Variants in TRPC5 observed in about 807,000 individuals in gnomAD.
TRPC5 encodes the protein transient receptor potential cation channel subfamily C member 5.
In TRPC5, 9 loss-of-function variants were observed where a neutral mutation model predicts 56.5. The ratio of observed to expected loss-of-function variants is 0.16; its 90% confidence interval spans 0.10 to 0.28. The LOEUF (loss-of-function observed/expected upper bound fraction) is 0.28, where lower values mean the gene tolerates loss of function less well. Ranked by LOEUF, TRPC5 falls within the 10% of genes least tolerant of loss-of-function variation. The pLI is 1.00. For synonymous variants in TRPC5, 282 were observed against 278.5 expected, an observed-to-expected ratio of 1.01 and a Z score of -0.13; for missense variants, 469 against 748.9, an observed-to-expected ratio of 0.63 and a Z score of 4.36.
At chrX:111,831,619 C>G (rs1569526081) in intron 7 of TRPC5, among the ~76,000 whole-genome samples, 1 of 112,061 alleles carries the variant, frequency 8.9e-6, no homozygotes, top group East Asian at 2.8e-4. Flanking sequence ...TATATTTGGA[C>G]TCTCCCCAAG....
At chrX:111,783,453 G>A (rs1419550802) in intron 7 of TRPC5, among the ~76,000 whole-genome samples, 3 of 110,832 alleles carry the variant, frequency 2.7e-5, no homozygotes, top group Non-Finnish European at 5.7e-5. Flanking sequence ...GGTTTTTAAA[G>A]TTTAGTCATT....
chrX:111,963,842 A>C (rs1342059269), intron 1 of TRPC5, among the ~76,000 whole-genome samples: 2 of 111,627 alleles, frequency 1.8e-5, no homozygotes, highest in Non-Finnish European at 3.8e-5. Context: ...ATCATCAAAG[A>C]CCAAAAGAAG....
At chrX:111,882,175 G>A (rs1924255682) in intron 3 of TRPC5, among the ~76,000 whole-genome samples, 2 of 111,961 alleles carry the variant, frequency 1.8e-5, no homozygotes, top group African/African-American at 6.5e-5. Context: ...AAGTTTTACA[G>A]ACCATTCTCA....
At chrX:111,879,797 A>G (rs1408846427) in intron 3 of TRPC5, among the ~76,000 whole-genome samples, 1 of 112,615 alleles carries the variant, frequency 8.9e-6, no homozygotes, top group Non-Finnish European at 1.9e-5. Context: ...CCAGGGGCAT[A>G]TAGCTACAAG....
At position 111,777,038 on chromosome X, in the gene TRPC5, C is replaced by T. The variant is rs762134430; in HGVS notation, c.2233-36G>A. 21 of 1,071,711 alleles carry T rather than the reference C, an allele frequency of 2.0e-5. No individual in the cohort carries two copies. In the South Asian group the frequency reaches 2.9e-4, roughly 15 times the overall value. 88.3% of individuals were successfully genotyped at this position (1,071,711 alleles called of 1,213,427 possible). On this transcript the variant is annotated intron_variant, in intron 10 of 10. Coordinates refer to ENST00000262839, the MANE Select transcript of TRPC5 (RefSeq NM_012471.3). Reference sequence around the variant, plus strand: ...AGAGGAGACATATTATGTCAAGAAGCTTGGTCTTTATTTCAAAGTAGGCAC... The same window carrying T: ...AGAGGAGACATATTATGTCAAGAAGTTTGGTCTTTATTTCAAAGTAGGCAC...
chrX:112,073,402 T>TGA (rs1373279309), intron 1 of TRPC5, among the ~76,000 whole-genome samples: 1 of 106,489 alleles, frequency 9.4e-6, no homozygotes, highest in African/African-American at 3.3e-5. Context: ...CCTGAGTAGC[T>TGA]GAGACTACAG....
At position 112,041,955 on chromosome X, in the gene TRPC5, T is replaced by G. The variant is rs189661629; in HGVS notation, c.-22+39924A>C. Among the ~76,000 whole-genome samples, 28 of 111,816 alleles carry G rather than the reference T, an allele frequency of 2.5e-4. No homozygotes were observed. In the East Asian group the frequency reaches 6.7e-3, roughly 27 times the overall value. On this transcript the variant is annotated intron_variant, in intron 1 of 10. Transcript: ENST00000262839. ...TTCTCAATGGTTTTAGGTAAGCTGGTCAATTTGGAAAAGGTTTTTGTTTTA... is the reference window on the plus strand; with the variant it reads ...TTCTCAATGGTTTTAGGTAAGCTGGGCAATTTGGAAAAGGTTTTTGTTTTA...
At chrX:111,781,644 A>G (rs1945920800) in intron 8 of TRPC5, among the ~76,000 whole-genome samples, 1 of 112,319 alleles carries the variant, frequency 8.9e-6, no homozygotes, top group African/African-American at 3.2e-5. Context: ...GAATCACTTG[A>G]ACCTGGGAGG....
At chrX:112,073,534 T>C (rs1160492161) in intron 1 of TRPC5, among the ~76,000 whole-genome samples, 1 of 111,451 alleles carries the variant, frequency 9.0e-6, no homozygotes, top group Non-Finnish European at 1.9e-5. Context: ...CCTCCCAAAG[T>C]GGTGGGATTA....
chrX:112,066,341 A>C (rs1930582837), intron 1 of TRPC5, among the ~76,000 whole-genome samples: 1 of 111,601 alleles, frequency 9.0e-6, no homozygotes, highest in Admixed American at 9.5e-5. Context: ...AATTCATTTA[A>C]TCATTCAGCC....
chrX:111,913,829 G>T (rs938272416), intron 2 of TRPC5, among the ~76,000 whole-genome samples: 1 of 109,955 alleles, frequency 9.1e-6, no homozygotes, highest in Non-Finnish European at 1.9e-5. Flanking sequence ...GCATGGTGGC[G>T]GGCGCCTGTA....
At chrX:111,790,325 T>C (rs1417024173) in intron 7 of TRPC5, among the ~76,000 whole-genome samples, 3 of 110,981 alleles carry the variant, frequency 2.7e-5, no homozygotes, top group Admixed American at 9.6e-5. Flanking sequence ...AACCACACAC[T>C]GCATGTTCTC....
At chrX:111,815,739 A>T (rs1921842027) in intron 7 of TRPC5, among the ~76,000 whole-genome samples, 1 of 109,795 alleles carries the variant, frequency 9.1e-6, no homozygotes, top group African/African-American at 3.3e-5. Context: ...ACACATATAT[A>T]TATATATATA....
In TRPC5 at chrX:111,815,732, C is replaced by CATAT. The variant is rs748010387; in HGVS notation, c.1896+19185_1896+19188dup. Among the ~76,000 whole-genome samples the CATAT allele has an allele frequency of 1.2e-4, 13 of 106,236 alleles. 1 individual carries two copies. Among genetic ancestry groups the CATAT allele is most frequent in the South Asian group, 4.1e-4 (1 of 2,419 alleles). The allele number at this position is 106,236 out of a possible 115,157, so 92.3% of individuals were successfully genotyped here. ...AGAGACAGAGTGAGAATCACACACA[C>CATAT]ATATATATATATATATATTCAGCAG... On this transcript the variant is annotated intron_variant, in intron 7 of 10. Coordinates refer to ENST00000262839, the MANE Select transcript of TRPC5 (RefSeq NM_012471.3).
At chrX:111,795,571 T>G (rs991163858) in intron 7 of TRPC5, among the ~76,000 whole-genome samples, 1 of 110,342 alleles carries the variant, frequency 9.1e-6, no homozygotes, top group Non-Finnish European at 1.9e-5. Context: ...GGTTTCTGAT[T>G]AAAAAAAAAT....
chrX:112,044,183 G>A (rs929862909), intron 1 of TRPC5, among the ~76,000 whole-genome samples: 3 of 111,214 alleles, frequency 2.7e-5, no homozygotes, highest in Non-Finnish European at 3.8e-5. Flanking sequence ...CTTACCTAAG[G>A]CACTTACTGC....
chrX:112,001,633 C>T lies in TRPC5; in HGVS notation c.-21-49192G>A, dbSNP rs759318089. Among the ~76,000 whole-genome samples, 11 of 111,166 alleles carry T rather than the reference C, an allele frequency of 9.9e-5. 1 individual carries two copies. In the South Asian group the frequency reaches 3.1e-3, roughly 31 times the overall value. On this transcript the variant is annotated intron_variant, in intron 1 of 10. Coordinates refer to ENST00000262839, the MANE Select transcript of TRPC5 (RefSeq NM_012471.3). ...AAAATTAGCCAGGCATGTTGGTGCA[C>T]GCTTGTAATCCCAGCTATTTGGGAG...
chrX:111,823,908 G>C (rs775014072), intron 7 of TRPC5, among the ~76,000 whole-genome samples: 2 of 110,958 alleles, frequency 1.8e-5, no homozygotes, highest in Non-Finnish European at 3.8e-5. Context: ...AGATATCTTT[G>C]TTACTTCAGG....
intron 7 of TRPC5, among the ~76,000 whole-genome samples, chrX:111,810,819 C>A (rs777004274): frequency 9.4e-4 from 105 of 111,272 alleles, no homozygotes; most frequent in Non-Finnish European, 1.5e-3. Context: ...TATTTGTGTT[C>A]TTTCAAGTAG....
Sources: allele counts gnomAD v4.1 joint callset (sites outside exome capture counted in the v4.1 genomes callset), GRCh38; gene constraint gnomAD v4.1.1; transcripts MANE v1.5; gene names NCBI Gene and HGNC (gene_info 2026-07-23, HGNC 2026-07-21).